The following ADAMTSL1 variants were observed in gnomAD, a reference collection of about 807,000 sequenced individuals.
ADAMTSL1 encodes the protein ADAMTS like 1.
A neutral mutation model predicts 201.8 loss-of-function variants in ADAMTSL1; 126 were observed. The ratio of observed to expected loss-of-function variants is 0.62; its 90% confidence interval spans 0.54 to 0.72. The LOEUF (loss-of-function observed/expected upper bound fraction) is 0.72. Ranked by LOEUF, ADAMTSL1 falls within the 30% of genes least tolerant of loss-of-function variation. The pLI, the probability that ADAMTSL1 is intolerant of heterozygous loss-of-function variation, is 0.00. For missense variants in ADAMTSL1, 2,679 were observed against 2,277.8 expected, an observed-to-expected ratio of 1.18 and a Z score of -3.59; for synonymous variants, 1,121 against 903.4, an observed-to-expected ratio of 1.24 and a Z score of -4.32.
At chr9:18,113,369 G>A (rs1438721000) in intron 1 of ADAMTSL1, among the ~76,000 whole-genome samples, 1 of 152,082 alleles carries the variant, frequency 6.6e-6, no homozygotes, top group Non-Finnish European at 1.5e-5. Flanking sequence ...GATGGGATTG[G>A]GCAAGACTGG....
chr9:18,165,659 A>G (rs1373906794), intron 2 of ADAMTSL1, among the ~76,000 whole-genome samples: 1 of 151,914 alleles, frequency 6.6e-6, no homozygotes, highest in Non-Finnish European at 1.5e-5. Context: ...CAAAGCTGGA[A>G]TTTTACAAGA....
chr9:18,244,861 G>A (rs887012439), intron 2 of ADAMTSL1, among the ~76,000 whole-genome samples: 2 of 152,048 alleles, frequency 1.3e-5, no homozygotes, highest in East Asian at 1.9e-4. Context: ...ACCTCATTAT[G>A]GGCAGGAACT....
intron 1 of ADAMTSL1, among the ~76,000 whole-genome samples, chr9:18,080,820 C>T (rs1823466570): frequency 5.3e-5 from 8 of 152,144 alleles, no homozygotes. Flanking sequence ...TTCTGTCATC[C>T]TTCATTCTAG....
chr9:18,210,729 C>A (rs1026845890), intron 2 of ADAMTSL1, among the ~76,000 whole-genome samples: 1 of 151,460 alleles, frequency 6.6e-6, no homozygotes, highest in Non-Finnish European at 1.5e-5. Flanking sequence ...GCTCTGGCAG[C>A]TTAGAAGGGT....
At chr9:18,044,494 T>C (rs1380314261) in intron 1 of ADAMTSL1, among the ~76,000 whole-genome samples, 1 of 152,116 alleles carries the variant, frequency 6.6e-6, no homozygotes, top group Non-Finnish European at 1.5e-5. Context: ...TGCGATTTGG[T>C]GTAGGGACTT....
At chr9:18,877,330 T>C (rs2131491157) in intron 23 of ADAMTSL1, among the ~76,000 whole-genome samples, 1 of 152,300 alleles carries the variant, frequency 6.6e-6, no homozygotes, top group East Asian at 1.9e-4. Flanking sequence ...CAGGATTGTT[T>C]TTCTGGTTCC....
intron 2 of ADAMTSL1, among the ~76,000 whole-genome samples, chr9:18,398,177 A>T (rs1251303221): frequency 6.6e-6 from 1 of 152,186 alleles, no homozygotes; most frequent in Non-Finnish European, 1.5e-5. Context: ...CAGCCTTCTC[A>T]TTCACATTGA....
At chr9:17,961,333 C>T (rs1317516119) in intron 1 of ADAMTSL1, among the ~76,000 whole-genome samples, 1 of 152,068 alleles carries the variant, frequency 6.6e-6, no homozygotes, top group East Asian at 1.9e-4. Flanking sequence ...ACCACAACCT[C>T]CACCTCCCGG....
At chr9:18,043,398 A>C (rs1217034489) in intron 1 of ADAMTSL1, among the ~76,000 whole-genome samples, 1 of 152,196 alleles carries the variant, frequency 6.6e-6, no homozygotes, top group Admixed American at 6.5e-5. Flanking sequence ...TGGGATATTT[A>C]GAACCAGAGG....
chr9:18,847,050 C>A (rs1247405270), intron 23 of ADAMTSL1, among the ~76,000 whole-genome samples: 1 of 152,194 alleles, frequency 6.6e-6, no homozygotes, highest in Non-Finnish European at 1.5e-5. Flanking sequence ...TTTGCTAAGT[C>A]CTGCTCATTT....
At chr9:18,556,216 G>C (rs577681333) in intron 3 of ADAMTSL1, among the ~76,000 whole-genome samples, 1 of 152,024 alleles carries the variant, frequency 6.6e-6, no homozygotes, top group Admixed American at 6.6e-5. Flanking sequence ...CCCTCTGCCT[G>C]TAATTCTATC....
chr9:18,690,963 AG>A (rs1177346182), intron 13 of ADAMTSL1, among the ~76,000 whole-genome samples: 1 of 152,234 alleles, frequency 6.6e-6, no homozygotes, highest in Non-Finnish European at 1.5e-5. Context: ...TACCAGGTGC[AG>A]GTATTGCAAA....
At chr9:18,560,941 A>C (rs202136754) in intron 3 of ADAMTSL1, among the ~76,000 whole-genome samples, 2 of 29,590 alleles carry the variant, frequency 6.8e-5, no homozygotes, top group South Asian at 1.6e-3. Context: ...GTTAATCTTT[A>C]AAAAAAAAAA....
chr9:18,463,718 T>C (rs1417380621), intron 2 of ADAMTSL1, among the ~76,000 whole-genome samples: 1 of 152,224 alleles, frequency 6.6e-6, no homozygotes, highest in African/African-American at 2.4e-5. Flanking sequence ...TCCCATTGTA[T>C]GTATATATGG....
intron 2 of ADAMTSL1, among the ~76,000 whole-genome samples, chr9:18,338,280 C>T (rs1212461300): frequency 6.6e-6 from 1 of 152,084 alleles, no homozygotes; most frequent in Non-Finnish European, 1.5e-5. Context: ...TGGTCTCCTA[C>T]CACCAACAGA....
chr9:18,656,778 A>C (rs1245500679), intron 7 of ADAMTSL1, among the ~76,000 whole-genome samples: 1 of 152,168 alleles, frequency 6.6e-6, no homozygotes, highest in Non-Finnish European at 1.5e-5. Flanking sequence ...CCTCCTTATA[A>C]AAAGTAGTCC....
intron 4 of ADAMTSL1, among the ~76,000 whole-genome samples, chr9:18,586,351 A>C (rs1823490449): frequency 6.6e-6 from 1 of 152,204 alleles, no homozygotes; most frequent in South Asian, 2.1e-4. Flanking sequence ...TCCCACAAAA[A>C]GAATAAAATA....
intron 1 of ADAMTSL1, among the ~76,000 whole-genome samples, chr9:18,041,997 G>A (rs1821445090): frequency 6.6e-6 from 1 of 150,392 alleles, no homozygotes; most frequent in African/African-American, 2.4e-5. Context: ...GTTATATATT[G>A]TTTCCAGTCA....
In ADAMTSL1 at chr9:18,100,003, A is replaced by C. The variant is rs1456938221; in HGVS notation, c.88-63859A>C. Among the ~76,000 whole-genome samples the C allele has an allele frequency of 2.0e-5, 3 of 152,016 alleles. No homozygotes were observed. In the East Asian group the frequency reaches 5.8e-4, roughly 29 times the overall value. ...TTAAATTCGTTTTATTTCTGATATA[A>C]TTATTCTTCTTAATTTTTTTCTAAG... On this transcript the variant is annotated intron_variant, in intron 1 of 29. Coordinates refer to the ADAMTSL1 transcript ENST00000680146.
Sources: gnomAD v4.1 joint callset for allele counts (sites outside exome capture counted in the v4.1 genomes callset) on GRCh38, gnomAD v4.1.1 for gene constraint, MANE v1.5 for transcripts, NCBI Gene and HGNC (gene_info 2026-07-23, HGNC 2026-07-21) for gene names.